LARGE1: variants seen among roughly 807,000 people sequenced by gnomAD.
The protein encoded by LARGE1 is LARGE xylosyl- and glucuronyltransferase 1.
In LARGE1, 43 loss-of-function variants were observed where a neutral mutation model predicts 87.6. The observed-to-expected ratio is 0.49, with a 90% CI of 0.38 to 0.63. The LOEUF (loss-of-function observed/expected upper bound fraction) is 0.63, where lower values mean the gene tolerates loss of function less well. Among genes scored for constraint, LARGE1 ranks in the 30% least tolerant of loss-of-function variants. The pLI is 0.00. For missense variants in LARGE1, 802 were observed against 1,000.2 expected (o/e 0.80, Z 2.67); for synonymous variants, 434 against 394.6 (o/e 1.10, Z -1.18).
intron 7 of LARGE1, among the ~76,000 whole-genome samples, chr22:33,424,694 G>A (rs1284423289): frequency 1.3e-5 from 2 of 152,088 alleles, no homozygotes; most frequent in African/African-American, 4.8e-5. Context: ...GGGTGGGGGT[G>A]CACAGCTGTA....
chr22:33,815,617 G>A (rs968593394), intron 1 of LARGE1, among the ~76,000 whole-genome samples: 4 of 152,270 alleles, frequency 2.6e-5, no homozygotes, highest in Non-Finnish European at 5.9e-5. Flanking sequence ...TGTGCAAAGT[G>A]CAAACATCTG....
In LARGE1 at chr22:33,650,478, G is replaced by A; in HGVS notation, c.297C>T (p.Ser99=). The change falls in exon 3 of 15, where the codon TCC becomes TCT. Residue 99 remains serine (S), a synonymous_variant. Coordinates refer to ENST00000397394, the MANE Select transcript of LARGE1 (RefSeq NM_133642.5). ...RAPSHRRGNH[S]KTYSMEEGTG... is the part of the protein sequence containing the mutation. ...TGCCCTCCTCCATGGAGTAGGTCTTGGAGTGGTTGCCTCGGCGATGGGATG... is the reference window on the plus strand; with the variant it reads ...TGCCCTCCTCCATGGAGTAGGTCTTAGAGTGGTTGCCTCGGCGATGGGATG... 6.2e-7 allele frequency: 1 copy of A among 1,613,982 alleles called. No individual in the cohort carries two copies. Among genetic ancestry groups the A allele is most frequent in the Non-Finnish European group, 8.5e-7 (1 of 1,180,032 alleles).
chr22:33,800,141 A>G (rs1006045568), intron 1 of LARGE1, among the ~76,000 whole-genome samples: 7 of 152,198 alleles, frequency 4.6e-5, no homozygotes, highest in African/African-American at 1.4e-4. Context: ...TCAAATAGTA[A>G]GCCCCTTGCA....
chr22:33,403,767 C>T (rs1387524322), intron 7 of LARGE1, among the ~76,000 whole-genome samples: 1 of 152,022 alleles, frequency 6.6e-6, no homozygotes, highest in Non-Finnish European at 1.5e-5. Flanking sequence ...CCACGCCTGG[C>T]TAATTTTTGT....
At chr22:33,625,438 G>GT (rs577721175) in intron 4 of LARGE1, among the ~76,000 whole-genome samples, 531 of 152,304 alleles carry the variant, frequency 3.5e-3, no homozygotes, top group African/African-American at 0.012. Flanking sequence ...TAGGATGATG[G>GT]TTCCCATGGG....
At chr22:33,569,608 C>T (rs1003384777) in intron 5 of LARGE1, among the ~76,000 whole-genome samples, 2 of 152,154 alleles carry the variant, frequency 1.3e-5, no homozygotes, top group Admixed American at 6.5e-5. Context: ...AAATAGCTCA[C>T]CCTCTTAGAG....
chr22:33,635,437 G>A (rs575630352), intron 3 of LARGE1, among the ~76,000 whole-genome samples: 1 of 152,290 alleles, frequency 6.6e-6, no homozygotes, highest in South Asian at 2.1e-4. Context: ...CAGACACGGT[G>A]TTGTCCTTAC....
At chr22:33,151,286 G>A in the LARGE1 span, among the ~76,000 whole-genome samples, 1 of 152,174 alleles carries the variant, frequency 6.6e-6, no homozygotes, top group South Asian at 2.1e-4. Flanking sequence ...ATTCATTTGT[G>A]TGTGTGTGTT....
the LARGE1 span, among the ~76,000 whole-genome samples, chr22:33,112,950 G>A: frequency 2.2e-4 from 34 of 152,192 alleles, no homozygotes; most frequent in African/African-American, 7.5e-4. Context: ...TTGGTCAGAG[G>A]AAATAAAAAT....
At chr22:33,393,137 A>G (rs2065592701) in intron 7 of LARGE1, among the ~76,000 whole-genome samples, 1 of 152,250 alleles carries the variant, frequency 6.6e-6, no homozygotes, top group Admixed American at 6.5e-5. Flanking sequence ...AGGATGTTAA[A>G]TATAATCATC....
intron 9 of LARGE1, among the ~76,000 whole-genome samples, chr22:33,341,436 G>C (rs540297384): frequency 3.9e-5 from 6 of 152,066 alleles, no homozygotes; most frequent in Non-Finnish European, 8.8e-5. Context: ...TTCCATCTAT[G>C]AGAGTCTGCA....
At chr22:33,470,826 A>G (rs910739725) in intron 6 of LARGE1, among the ~76,000 whole-genome samples, 2 of 152,070 alleles carry the variant, frequency 1.3e-5, no homozygotes, top group South Asian at 2.1e-4. Flanking sequence ...GTGTAGTCTC[A>G]TAGAAACACC....
chr22:33,542,789 T>C (rs1283231513), intron 6 of LARGE1, among the ~76,000 whole-genome samples: 1 of 152,062 alleles, frequency 6.6e-6, no homozygotes, highest in Non-Finnish European at 1.5e-5. Flanking sequence ...TAATCATTCA[T>C]GCTTTCTATA....
intron 6 of LARGE1, among the ~76,000 whole-genome samples, chr22:33,465,070 C>T (rs934322945): frequency 3.9e-5 from 6 of 152,178 alleles, no homozygotes; most frequent in African/African-American, 1.2e-4. Context: ...ATCCAAATGT[C>T]CTATGACAAA....
At chr22:33,730,941 C>T (rs1408287077) in intron 2 of LARGE1, among the ~76,000 whole-genome samples, 1 of 151,646 alleles carries the variant, frequency 6.6e-6, no homozygotes, top group Non-Finnish European at 1.5e-5. Flanking sequence ...GTGATCCACC[C>T]ACCTCCACCT....
intron 5 of LARGE1, among the ~76,000 whole-genome samples, chr22:33,582,514 T>C (rs1033422286): frequency 2.6e-5 from 4 of 152,206 alleles, no homozygotes; most frequent in Admixed American, 1.3e-4. Flanking sequence ...CATGAAAGAA[T>C]ATAAAGTTTA....
chr22:33,801,395 G>A lies in LARGE1; in HGVS notation c.-82-39837C>T, dbSNP rs149777706. 2.5e-3 allele frequency among the ~76,000 whole-genome samples: 380 copies of A among 152,158 alleles called. 2 individuals are homozygous for A. The highest frequency in any genetic ancestry group is 7.5e-3 in the African/African-American group (310 of 41,506). On this transcript the variant is annotated intron_variant, in intron 1 of 14. Coordinates refer to ENST00000397394, the MANE Select transcript of LARGE1 (RefSeq NM_133642.5). ...TCTGATATTGTCAGCAAATTTTATC[G>A]TATTCATTCTAATAGGTGTGTAATG...
At chr22:33,126,338 A>G in the LARGE1 span, among the ~76,000 whole-genome samples, 1 of 152,354 alleles carries the variant, frequency 6.6e-6, no homozygotes, top group African/African-American at 2.4e-5. Context: ...GGCCCCTTCT[A>G]ACGTATGATG....
In LARGE1 at chr22:33,665,683, G is replaced by T. The variant is rs560960333; in HGVS notation, c.107-15015C>A. Among the ~76,000 whole-genome samples the T allele has an allele frequency of 7.9e-5, 12 of 152,184 alleles. No individual in the cohort carries two copies. In the South Asian group the frequency reaches 1.5e-3, roughly 18 times the overall value. On this transcript the variant is annotated intron_variant, in intron 2 of 14. Coordinates refer to ENST00000397394, the MANE Select transcript of LARGE1 (RefSeq NM_133642.5). ...TGAGGCAGGCGGATCATGAAGTCAG[G>T]AGATGGAGACCATCCTGGCTAACAC...
Sources: gnomAD v4.1 joint callset for allele counts (sites outside exome capture counted in the v4.1 genomes callset) on GRCh38, gnomAD v4.1.1 for gene constraint, MANE v1.5 for transcripts, NCBI Gene and HGNC (gene_info 2026-07-23, HGNC 2026-07-21) for gene names.